The following SORBS2 variants were observed in gnomAD, a reference collection of about 807,000 sequenced individuals.
SORBS2 encodes sorbin and SH3 domain-containing protein 2.
Under a neutral mutation model 97.7 loss-of-function variants are expected in SORBS2, and 46 were observed. The ratio of observed to expected loss-of-function variants is 0.47; its 90% CI spans 0.37 to 0.60. SORBS2 has a LOEUF of 0.60. SORBS2 is among the 20% of genes least tolerant of loss of function. SORBS2 has a pLI of 0.00. For synonymous variants in SORBS2, 476 were observed against 473.4 expected (o/e 1.01, Z -0.07); for missense variants, 1,316 against 1,282.3 (o/e 1.03, Z -0.40).
chr4:185,821,486 C>G (rs62335719), intron 1 of SORBS2, among the ~76,000 whole-genome samples: 62,209 of 151,972 alleles, frequency 0.41, 13,717 homozygotes, highest in Middle Eastern at 0.63. Context: ...TGCAGTGGCT[C>G]CATCTCAGCT....
upstream of SORBS2, among the ~76,000 whole-genome samples, chr4:185,660,550 G>A (rs1246238521): frequency 1.3e-5 from 2 of 152,156 alleles, no homozygotes; most frequent in South Asian, 2.1e-4. Flanking sequence ...TAAGTCCCGC[G>A]GCTACCTTTA....
intron 1 of SORBS2, among the ~76,000 whole-genome samples, chr4:185,842,796 A>T (rs1487451323): frequency 2.0e-5 from 3 of 151,978 alleles, no homozygotes; most frequent in Non-Finnish European, 2.9e-5. Context: ...TTAGCCAGGC[A>T]TGGTAGTATA....
At chr4:185,829,590 C>G (rs146722838) in intron 1 of SORBS2, among the ~76,000 whole-genome samples, 45 of 152,230 alleles carry the variant, frequency 3.0e-4, no homozygotes, top group African/African-American at 1.0e-3. Flanking sequence ...ACACACAAAC[C>G]AAGAGATGAC....
chr4:185,906,331 C>T (rs1033218875), intron 1 of SORBS2, among the ~76,000 whole-genome samples: 3 of 152,196 alleles, frequency 2.0e-5, no homozygotes, highest in African/African-American at 7.2e-5. Context: ...CCACGCCTGG[C>T]CTGTTTATTT....
chr4:185,628,937 C>T (rs1447869393), intron 5 of SORBS2, among the ~76,000 whole-genome samples: 1 of 152,224 alleles, frequency 6.6e-6, no homozygotes, highest in Non-Finnish European at 1.5e-5. Flanking sequence ...TGGCACAGCA[C>T]ACTGTGCATG....
chr4:185,910,411 T>C (rs1224707402), intron 1 of SORBS2, among the ~76,000 whole-genome samples: 1 of 152,198 alleles, frequency 6.6e-6, no homozygotes, highest in Non-Finnish European at 1.5e-5. Flanking sequence ...ATCCTCTCCA[T>C]TTCCATCAAT....
chr4:185,694,823 C>T (rs2153523432), intron 2 of SORBS2, among the ~76,000 whole-genome samples: 1 of 151,478 alleles, frequency 6.6e-6, no homozygotes, highest in East Asian at 2.0e-4. Flanking sequence ...TCTCCTGCCT[C>T]AGCCTTCTGA....
intron 1 of SORBS2, among the ~76,000 whole-genome samples, chr4:185,898,664 A>T (rs535340990): frequency 3.9e-5 from 6 of 152,288 alleles, no homozygotes; most frequent in South Asian, 4.1e-4. Flanking sequence ...GCTTGTCTTT[A>T]CCTCTGGGAA....
intron 1 of SORBS2, among the ~76,000 whole-genome samples, chr4:185,790,606 C>T (rs1416413949): frequency 2.0e-5 from 3 of 152,140 alleles, no homozygotes; most frequent in East Asian, 3.8e-4. Flanking sequence ...ATATTTTACT[C>T]AATTTATTTG....
intron 4 of SORBS2, 139 bp from the exon 14 acceptor site, chr4:185,639,174 C>T: frequency 5.5e-6 from 4 of 727,604 alleles, no homozygotes; most frequent in Non-Finnish European, 8.5e-6. Flanking sequence ...TCCCTAGGGA[C>T]CCAGACGCCT....
chr4:185,699,642 G>A (rs916243563), intron 2 of SORBS2, among the ~76,000 whole-genome samples: 1 of 152,154 alleles, frequency 6.6e-6, no homozygotes, highest in Non-Finnish European at 1.5e-5. Flanking sequence ...TAGAAAATTT[G>A]AACGAGAAAA....
chr4:185,759,239 A>G (rs983259244), intron 2 of SORBS2, among the ~76,000 whole-genome samples: 25 of 152,338 alleles, frequency 1.6e-4, no homozygotes, highest in Non-Finnish European at 3.5e-4. Flanking sequence ...AAAGATATGG[A>G]GTAGGCGTTA....
chr4:185,636,541 A>G (rs1420473834), intron 4 of SORBS2, among the ~76,000 whole-genome samples: 1 of 152,218 alleles, frequency 6.6e-6, no homozygotes, highest in Non-Finnish European at 1.5e-5. Context: ...GTTATTTAAG[A>G]GTCTAAAACG....
chr4:185,780,260 G>C (rs10866282), intron 1 of SORBS2, among the ~76,000 whole-genome samples: 133,339 of 151,986 alleles, frequency 0.88, 58,533 homozygotes, highest in East Asian at 0.96. Context: ...GGTGATCCAC[G>C]CACCTCAGCC....
intron 1 of SORBS2, among the ~76,000 whole-genome samples, chr4:185,788,405 T>C (rs1561033054): frequency 6.6e-6 from 1 of 152,126 alleles, no homozygotes; most frequent in Non-Finnish European, 1.5e-5. Context: ...AGTTTCAAAT[T>C]AGGCACATTT....
chr4:185,684,310 A>G lies in SORBS2; in HGVS notation c.-197-5488T>C, dbSNP rs2097916513. Among the ~76,000 whole-genome samples, 1 of 152,216 alleles carries G rather than the reference A, an allele frequency of 6.6e-6. No homozygotes were observed. The highest frequency in any genetic ancestry group is 2.4e-5 in the African/African-American group (1 of 41,456). On this transcript the variant is annotated intron_variant, in intron 2 of 20. Coordinates refer to the SORBS2 transcript ENST00000284776. The surrounding 1 kb of genome is among the most constrained non-coding windows in gnomAD (Gnocchi z 4.2). ...TCAAGATTTTGGTATGTTTAAATAT[A>G]TATAGTAGAAGGGTATTTGCTGATT...
At chr4:185,831,106 TTTGATCGTACAC>T (rs2099204871) in intron 1 of SORBS2, among the ~76,000 whole-genome samples, 2 of 151,980 alleles carry the variant, frequency 1.3e-5, no homozygotes, top group African/African-American at 4.8e-5. Context: ...CATTTGAACT[TTTGATCGTACAC>T]TTGATCGTAC....
rs116614984 is a variant in SORBS2 at position 185,797,361 on chromosome 4, C to T, written c.-337-21995G>A. Among the ~76,000 whole-genome samples the T allele has an allele frequency of 5.5e-3, 838 of 152,302 alleles. 5 individuals are homozygous for T. Among genetic ancestry groups the T allele is most frequent in the Middle Eastern group, 0.024 (7 of 294 alleles). On this transcript the variant is annotated intron_variant, in intron 1 of 20. Transcript: ENST00000284776. ...TTTCGTAATCTTTTCTTGTGCCCTTCATTTAATTTGATACTGTTACCAGTT... is the reference window on the plus strand; with the variant it reads ...TTTCGTAATCTTTTCTTGTGCCCTTTATTTAATTTGATACTGTTACCAGTT...
At chr4:185,729,207 C>T (rs2098594076) in intron 2 of SORBS2, among the ~76,000 whole-genome samples, 1 of 152,186 alleles carries the variant, frequency 6.6e-6, no homozygotes, top group Admixed American at 6.5e-5. Context: ...ATAAGTTCCA[C>T]TGGTATTCAA....
Sources: gnomAD v4.1 joint callset for allele counts (sites outside exome capture counted in the v4.1 genomes callset) on GRCh38, gnomAD v4.1.1 for gene constraint, Gnocchi (gnomAD v3.1) non-coding constraint, MANE v1.5 for transcripts, NCBI Gene and HGNC (gene_info 2026-07-23, HGNC 2026-07-21) for gene names.